The following COQ2 variants were observed in gnomAD, a reference collection of about 807,000 sequenced individuals.
COQ2 encodes the protein coenzyme Q2, polyprenyltransferase.
Under a neutral mutation model 35.7 loss-of-function variants are expected in COQ2, and 25 were observed. That is an observed-to-expected ratio of 0.70 (90% CI 0.51 to 0.98). The LOEUF (loss-of-function observed/expected upper bound fraction) is 0.98, where lower values mean the gene tolerates loss of function less well. Ranked by LOEUF, COQ2 falls within the 50% of genes least tolerant of loss-of-function variation. The pLI, the probability that COQ2 is intolerant of heterozygous loss-of-function variation, is 0.00. For missense variants in COQ2, 488 were observed against 473.5 expected (o/e 1.03, Z -0.28); for synonymous variants, 206 against 186.2 (o/e 1.11, Z -0.86).
Position 83,275,328 on chromosome 4 carries a change from G to T in COQ2, c.421-1711C>A, listed in dbSNP as rs187565364. Among the ~76,000 whole-genome samples the T allele has an allele frequency of 4.6e-5, 7 of 152,228 alleles. No individual in the cohort carries two copies. In the South Asian group the frequency reaches 8.3e-4, roughly 18 times the overall value. On this transcript the variant is annotated intron_variant, in intron 2 of 6. Transcript: ENST00000647002. Reference sequence around the variant, plus strand: ...TTTGACACTGCTCTGGCAAAAGAAGGGGGTGGGAGATGCTGCCTAATTGCT... The same window carrying T: ...TTTGACACTGCTCTGGCAAAAGAAGTGGGTGGGAGATGCTGCCTAATTGCT...
chr4:83,284,793 A>G lies in COQ2; in HGVS notation c.-29T>C. On this transcript the variant is annotated 5_prime_UTR_variant, in exon 1 of 7. Coordinates refer to ENST00000647002, the MANE Select transcript of COQ2 (RefSeq NM_001358921.2). ...GCTGGTGAGGCCGGGACGAGCTCGGATTGACGTCATTCCCCGGCAGGCATG... is the reference window on the plus strand; with the variant it reads ...GCTGGTGAGGCCGGGACGAGCTCGGGTTGACGTCATTCCCCGGCAGGCATG... The G allele has an allele frequency of 3.2e-6, 5 of 1,569,208 alleles. No homozygotes were observed. Among genetic ancestry groups the G allele is most frequent in the Non-Finnish European group, 4.3e-6 (5 of 1,164,838 alleles).
chr4:83,274,286 C>T (rs868554157), intron 2 of COQ2, among the ~76,000 whole-genome samples: 82 of 152,104 alleles, frequency 5.4e-4, no homozygotes, highest in African/African-American at 1.8e-3. Context: ...CTCTGCCTCC[C>T]GGGTTCAAGT....
At chr4:83,278,373 C>A (rs1735233499) in intron 2 of COQ2, among the ~76,000 whole-genome samples, 1 of 151,998 alleles carries the variant, frequency 6.6e-6, no homozygotes, top group Admixed American at 6.6e-5. Flanking sequence ...AAGTTCTTAA[C>A]CGAAGTTTTC....
At chr4:83,266,450 T>G (rs568888530) in intron 6 of COQ2, among the ~76,000 whole-genome samples, 14 of 151,628 alleles carry the variant, frequency 9.2e-5, no homozygotes, top group African/African-American at 3.4e-4. Context: ...CTCTACCTCC[T>G]GGGTTCAAGC....
chr4:83,283,547 A>G (rs1203848112), intron 1 of COQ2: 18 of 985,372 alleles, frequency 1.8e-5, no homozygotes, highest in Non-Finnish European at 2.0e-5. Flanking sequence ...GAAACTTTCC[A>G]GCAAGGGATC....
intron 4 of COQ2, among the ~76,000 whole-genome samples, chr4:83,270,966 AG>A (rs1296125564): frequency 5.9e-5 from 9 of 152,220 alleles, no homozygotes; most frequent in Non-Finnish European, 2.9e-5. Flanking sequence ...ATTCAATGAG[AG>A]GATCTTAGAA....
chr4:83,276,278 T>C (rs1735181218), intron 2 of COQ2, among the ~76,000 whole-genome samples: 1 of 151,078 alleles, frequency 6.6e-6, no homozygotes, highest in Admixed American at 6.6e-5. Context: ...GAGCTCCTTG[T>C]AGATTCTAGA....
At position 83,284,700 on chromosome 4, in the gene COQ2, G is replaced by A. The variant is rs765747895; in HGVS notation, c.65C>T (p.Pro22Leu). ...GGCGAAGGAGCGGCCCCGCCAGCCC[G>A]GCAGCCACGCCAGTGCCACAGCCCG... The part of the protein sequence containing the change: ...GLRAVALAWL[P>L]GWRGRSFALA... The change falls in exon 1 of 7, where the codon CCG becomes CTG. Residue 22 changes from proline (P) to leucine (L), a missense_variant. Transcript: ENST00000647002. 7 of 1,484,406 alleles carry A rather than the reference G, an allele frequency of 4.7e-6. No homozygotes were observed. In the East Asian group the frequency reaches 2.0e-4, roughly 43 times the overall value. The allele number at this position is 1,484,406 out of a possible 1,614,324, so 92.0% of individuals were successfully genotyped here.
intron 1 of COQ2, among the ~76,000 whole-genome samples, chr4:83,281,279 C>T (rs923514638): frequency 6.6e-6 from 1 of 152,198 alleles, no homozygotes; most frequent in Non-Finnish European, 1.5e-5. Context: ...TACCACTTCA[C>T]AGCTATTATT....
chr4:83,272,126 G>C lies in COQ2; in HGVS notation c.589C>G (p.Leu197Val), dbSNP rs369956047. The C allele has an allele frequency of 6.8e-6, 11 of 1,611,074 alleles. No individual in the cohort carries two copies. The African/African-American group carries it at 1.5e-4, about 22-fold the overall frequency. Residue 197 changes from leucine to valine, a missense_variant, in exon 4 of 7, where the codon CTA becomes GTA. Transcript: ENST00000647002. ...GSLLLVITYPLMKRISYWPQL... is the reference protein window; with the variant it reads ...GSLLLVITYPVMKRISYWPQL... ...GGCCAGTATGAAATTCTTTTCATTA[G>C]TGGGTAGGTGATGACAAGAAGTAAG... is the stretch of plus-strand genomic sequence containing the variant.
intron 1 of COQ2, 42 bp from the exon 2 acceptor site, chr4:83,279,156 C>T: frequency 6.7e-7 from 1 of 1,500,582 alleles, no homozygotes. Flanking sequence ...AAATTTAAGT[C>T]AGTTAACTGT....
In COQ2 at chr4:83,267,649, G is replaced by A. The variant is rs1019270465; in HGVS notation, c.888C>T (p.Asn296=). The A allele has an allele frequency of 3.2e-6, 5 of 1,580,480 alleles. No homozygotes were observed. Among genetic ancestry groups the A allele is most frequent in the Non-Finnish European group, 4.3e-6 (5 of 1,163,426 alleles). Residue 296 remains asparagine (N), a synonymous_variant, in exon 6 of 7, where the codon AAC becomes AAT. Transcript: ENST00000647002. The part of the protein sequence containing the change: ...MLGALSLVGV[N]SGQTAPYYAA... ...CGTAGTAGGGAGCAGTCTGTCCACT[G>A]TTCACACCCACTAGGCTCAGTGCCC...
At chr4:83,277,951 C>G (rs1336215686) in intron 2 of COQ2, among the ~76,000 whole-genome samples, 4 of 149,136 alleles carry the variant, frequency 2.7e-5, no homozygotes, top group African/African-American at 7.4e-5. Context: ...GCCTGGGCAA[C>G]AAGAGTGAAA....
At position 83,264,112 on chromosome 4, in the gene COQ2, C is replaced by A. The variant is rs1578797790; in HGVS notation, c.*87G>T. Reference sequence around the variant, plus strand: ...AATCTTCATCTTCAGGTTCTTAATTCTTTAACATATTGTATCAGATTTTGT... The same window carrying A: ...AATCTTCATCTTCAGGTTCTTAATTATTTAACATATTGTATCAGATTTTGT... On this transcript the variant is annotated 3_prime_UTR_variant, in exon 7 of 7. Coordinates refer to ENST00000647002, the MANE Select transcript of COQ2 (RefSeq NM_001358921.2). The A allele has an allele frequency of 1.3e-6, 1 of 782,650 alleles. No homozygotes were observed. The highest frequency in any genetic ancestry group is 3.1e-5 in the East Asian group (1 of 31,900). 48.5% of individuals were successfully genotyped at this position (782,650 alleles called of 1,614,324 possible).
At chr4:83,277,094 C>T (rs1385318293) in intron 2 of COQ2, among the ~76,000 whole-genome samples, 4 of 152,086 alleles carry the variant, frequency 2.6e-5, no homozygotes, top group Non-Finnish European at 4.4e-5. Context: ...GGTCATACTA[C>T]ATATGGGTAC....
At chr4:83,265,592 A>ACAG (rs1415621898) in intron 6 of COQ2, among the ~76,000 whole-genome samples, 1 of 152,080 alleles carries the variant, frequency 6.6e-6, no homozygotes, top group African/African-American at 2.4e-5. Context: ...AACAACAACA[A>ACAG]CAACAACAAC....
intron 1 of COQ2, among the ~76,000 whole-genome samples, chr4:83,279,934 C>T (rs1276300426): frequency 6.8e-6 from 1 of 146,128 alleles, no homozygotes; most frequent in Non-Finnish European, 1.5e-5. Context: ...AATCGTAGCT[C>T]ACTGTGGCTT....
chr4:83,275,958 G>A (rs185286794), intron 2 of COQ2, among the ~76,000 whole-genome samples: 81 of 146,106 alleles, frequency 5.5e-4, no homozygotes, highest in African/African-American at 2.1e-3. Flanking sequence ...TTATCTTGAA[G>A]TGATACATGC....
chr4:83,267,149 G>C (rs566802572), intron 6 of COQ2: 2 of 453,718 alleles, frequency 4.4e-6, no homozygotes, highest in East Asian at 1.4e-4. Context: ...ACCAGGGCAG[G>C]AAGATTGCTT....
Sources: gnomAD v4.1 joint callset for allele counts (sites outside exome capture counted in the v4.1 genomes callset) on GRCh38, gnomAD v4.1.1 for gene constraint, MANE v1.5 for transcripts, NCBI Gene and HGNC (gene_info 2026-07-23, HGNC 2026-07-21) for gene names.